The following SENP7 variants were observed in gnomAD, a reference collection of about 807,000 sequenced individuals.
SENP7 encodes the protein SUMO specific peptidase 7.
SENP7 carries 64 observed loss-of-function variants against 141.2 expected under a neutral mutation model. The observed-to-expected ratio is 0.45, with a 90% confidence interval of 0.37 to 0.56. The LOEUF is 0.56. Ranked by LOEUF, SENP7 falls within the 20% of genes least tolerant of loss-of-function variation. The pLI is 0.00. For missense variants in SENP7, 1,025 were observed against 1,212.2 expected (o/e 0.85, Z 2.29); for synonymous variants, 382 against 426.4 (o/e 0.90, Z 1.28).
chr3:101,352,356 C>G (rs1423364200), intron 11 of SENP7, among the ~76,000 whole-genome samples: 1 of 152,034 alleles, frequency 6.6e-6, no homozygotes, highest in African/African-American at 2.4e-5. Flanking sequence ...AGTCCCTAAG[C>G]CAGAACAACC....
rs1260357306 is a variant in SENP7, at chr3:101,463,377, A to G, written c.187-4325T>C. On this transcript the variant is annotated intron_variant, in intron 3 of 23. Transcript: ENST00000394095. ...AATAAATAAATAAATATATATATAT[A>G]TATATATATATATATATATACATAT... Among the ~76,000 whole-genome samples the G allele has an allele frequency of 2.2e-4, 19 of 87,402 alleles. No homozygotes were observed. In the Admixed American group the frequency reaches 2.2e-3, roughly 10 times the overall value. 57.3% of individuals were successfully genotyped at this position (87,402 alleles called of 152,430 possible).
chr3:101,416,207 T>G (rs886266009), intron 5 of SENP7, among the ~76,000 whole-genome samples: 2 of 152,090 alleles, frequency 1.3e-5, no homozygotes, highest in Non-Finnish European at 2.9e-5. Context: ...ACAACAATTT[T>G]AAAACACAGC....
intron 4 of SENP7, among the ~76,000 whole-genome samples, chr3:101,446,143 G>A (rs1014800920): frequency 8.5e-5 from 13 of 152,068 alleles, no homozygotes; most frequent in Non-Finnish European, 1.5e-4. Flanking sequence ...CTCTCCCTTC[G>A]TTCTCTCTTT....
At chr3:101,408,462 C>T (rs925033994) in intron 5 of SENP7, among the ~76,000 whole-genome samples, 3 of 151,966 alleles carry the variant, frequency 2.0e-5, no homozygotes, top group Non-Finnish European at 4.4e-5. Flanking sequence ...AATACCAAAA[C>T]CAAGAAAGGA....
intron 5 of SENP7, among the ~76,000 whole-genome samples, chr3:101,406,897 G>C (rs927846549): frequency 1.4e-4 from 22 of 152,182 alleles, no homozygotes; most frequent in African/African-American, 5.1e-4. Flanking sequence ...CAAGCTAGAA[G>C]GGACTGGAGC....
intron 4 of SENP7, among the ~76,000 whole-genome samples, chr3:101,450,122 T>G (rs1331744631): frequency 1.3e-5 from 2 of 152,150 alleles, no homozygotes; most frequent in Non-Finnish European, 2.9e-5. Flanking sequence ...AGAAGGCCAT[T>G]GCATAATGGT....
chr3:101,387,489 T>G (rs2060691311), intron 6 of SENP7, among the ~76,000 whole-genome samples: 1 of 152,070 alleles, frequency 6.6e-6, no homozygotes, highest in Admixed American at 6.5e-5. Flanking sequence ...ACTAGAGACC[T>G]GCCCCCTCAC....
chr3:101,356,573 C>T (rs569151217), intron 11 of SENP7, among the ~76,000 whole-genome samples: 5 of 152,236 alleles, frequency 3.3e-5, no homozygotes, highest in African/African-American at 4.8e-5. Flanking sequence ...ACTCTGATTT[C>T]GTGTAATGTC....
intron 5 of SENP7, chr3:101,414,419 T>C (rs2107643041): frequency 8.8e-7 from 1 of 1,140,704 alleles, no homozygotes; most frequent in South Asian, 1.2e-5. Context: ...CAGGCTTTGG[T>C]CACCAGTGAG....
chr3:101,498,032 A>T (rs1330041032), intron 2 of SENP7, among the ~76,000 whole-genome samples: 1 of 152,150 alleles, frequency 6.6e-6, no homozygotes, highest in Non-Finnish European at 1.5e-5. Flanking sequence ...CCTGACCTCA[A>T]GTGATCCTCC....
At chr3:101,457,369 G>T in intron 4 of SENP7, 1 of 1,422,842 alleles carries the variant, frequency 7.0e-7, no homozygotes, top group Non-Finnish European at 9.9e-7. Flanking sequence ...GCTTCAGCCA[G>T]TCTGCTTAAA....
intron 3 of SENP7, among the ~76,000 whole-genome samples, chr3:101,465,231 C>T (rs2063721804): frequency 6.6e-6 from 1 of 152,038 alleles, no homozygotes; most frequent in Admixed American, 6.6e-5. Context: ...ATCAATCCAC[C>T]CCCCTCACCC....
At chr3:101,468,732 C>A (rs111414505) in intron 3 of SENP7, among the ~76,000 whole-genome samples, 1 of 152,042 alleles carries the variant, frequency 6.6e-6, no homozygotes, top group Non-Finnish European at 1.5e-5. Context: ...AAGAAACAAC[C>A]GGTACCAACC....
intron 5 of SENP7, among the ~76,000 whole-genome samples, chr3:101,401,571 A>AT (rs2061144870): frequency 6.6e-6 from 1 of 152,092 alleles, no homozygotes; most frequent in South Asian, 2.1e-4. Flanking sequence ...TGCTACTCCT[A>AT]TGAACACACA....
Position 101,340,085 on chromosome 3 carries a change from T to C in SENP7, c.2357+10A>G, listed in dbSNP as rs1297825534. Reference sequence around the variant, plus strand: ...GTAAAATATGTAGGATCATTTATCATTGTACTTACTTAAGGTAAAAATCAA... The same window carrying C: ...GTAAAATATGTAGGATCATTTATCACTGTACTTACTTAAGGTAAAAATCAA... On this transcript the variant is annotated intron_variant, in intron 16 of 23. Coordinates refer to ENST00000394095, the MANE Select transcript of SENP7 (RefSeq NM_020654.5). 6.4e-7 allele frequency: 1 copy of C among 1,562,678 alleles called. No homozygotes were observed. Among genetic ancestry groups the C allele is most frequent in the Non-Finnish European group, 8.6e-7 (1 of 1,162,780 alleles).
intron 4 of SENP7, among the ~76,000 whole-genome samples, chr3:101,453,338 C>G (rs1293813144): frequency 2.6e-5 from 4 of 152,152 alleles, no homozygotes; most frequent in African/African-American, 9.7e-5. Flanking sequence ...ACAAGAAATA[C>G]CATTTGACCC....
At chr3:101,483,884 C>T (rs1015768450) in intron 3 of SENP7, among the ~76,000 whole-genome samples, 3 of 151,994 alleles carry the variant, frequency 2.0e-5, no homozygotes, top group Non-Finnish European at 4.4e-5. Context: ...TAGCCAGGTC[C>T]AGACATGGTG....
intron 13 of SENP7, among the ~76,000 whole-genome samples, chr3:101,346,818 G>A (rs150883935): frequency 5.7e-4 from 86 of 152,050 alleles, no homozygotes; most frequent in African/African-American, 2.0e-3. Flanking sequence ...TATACTGCTC[G>A]GGTTATGGGT....
At chr3:101,390,858 C>T (rs7628516) in intron 6 of SENP7, among the ~76,000 whole-genome samples, 60,358 of 151,964 alleles carry the variant, frequency 0.4, 12,503 homozygotes, top group Admixed American at 0.54. Context: ...AGACACAAAA[C>T]AAATCTCAAT....
Sources: gnomAD v4.1 joint callset for allele counts (sites outside exome capture counted in the v4.1 genomes callset) on GRCh38, gnomAD v4.1.1 for gene constraint, MANE v1.5 for transcripts, NCBI Gene and HGNC (gene_info 2026-07-23, HGNC 2026-07-21) for gene names.